The following KLRG1 variants were observed in gnomAD, a reference collection of about 807,000 sequenced individuals.
KLRG1 encodes the protein killer cell lectin-like receptor subfamily G member 1.
KLRG1 carries 16 observed loss-of-function variants against 21.8 expected under a neutral mutation model. The ratio of observed to expected loss-of-function variants is 0.73; its 90% CI spans 0.50 to 1.11. KLRG1 has a LOEUF of 1.11. KLRG1 is among the 50% of genes most tolerant of loss of function. KLRG1 has a pLI of 0.00. For missense variants in KLRG1, 173 were observed against 218.3 expected (o/e 0.79, Z 1.31); for synonymous variants, 69 against 75.9 (o/e 0.91, Z 0.47).
intron 1 of KLRG1, among the ~76,000 whole-genome samples, chr12:8,984,208 T>G (rs534339425): frequency 2.8e-3 from 420 of 152,210 alleles, no homozygotes; most frequent in Non-Finnish European, 5.1e-3. Flanking sequence ...CAGCTATTAT[T>G]ATTATTATTA....
chr12:8,967,801 G>A (rs11836936), intron 1 of KLRG1, among the ~76,000 whole-genome samples: 2,984 of 152,210 alleles, frequency 0.02, 98 homozygotes, highest in African/African-American at 0.067. Context: ...TATGAAAACG[G>A]CCAGGGAAAG....
the KLRG1 span, among the ~76,000 whole-genome samples, chr12:9,139,189 C>T: frequency 6.6e-6 from 1 of 152,030 alleles, no homozygotes; most frequent in Non-Finnish European, 1.5e-5. Context: ...CACTCAATGA[C>T]TTTTCAAGAG....
the KLRG1 span, chr12:9,197,024 T>C: frequency 6.2e-7 from 1 of 1,610,402 alleles, no homozygotes; most frequent in Admixed American, 1.7e-5. Context: ...GTTGACTGAA[T>C]TCCTCACAGA....
the KLRG1 span, among the ~76,000 whole-genome samples, chr12:9,108,915 G>A: frequency 3.9e-5 from 6 of 152,312 alleles, no homozygotes; most frequent in African/African-American, 1.4e-4. Flanking sequence ...TCAGGTAAAT[G>A]ATCTGTTGAT....
chr12:9,142,638 T>G, the KLRG1 span, among the ~76,000 whole-genome samples: 2 of 152,206 alleles, frequency 1.3e-5, no homozygotes, highest in Admixed American at 1.3e-4. Context: ...AACACATATA[T>G]AGCCACACAG....
the KLRG1 span, among the ~76,000 whole-genome samples, chr12:9,160,810 G>T: frequency 1.3e-5 from 2 of 152,050 alleles, no homozygotes; most frequent in Non-Finnish European, 2.9e-5. Context: ...AGCTACTCGG[G>T]AGGCTGAGGC....
intron 1 of KLRG1, among the ~76,000 whole-genome samples, chr12:8,967,224 T>C (rs893508659): frequency 4.0e-5 from 6 of 148,856 alleles, no homozygotes; most frequent in African/African-American, 1.2e-4. Flanking sequence ...TTAGGAGATA[T>C]ACCTAATGCT....
chr12:9,203,337 CTTTTTTTTTTTTT>C, the KLRG1 span, among the ~76,000 whole-genome samples: 2 of 114,592 alleles, frequency 1.7e-5, no homozygotes, highest in South Asian at 2.9e-4. Flanking sequence ...AACTACATTC[CTTTTTTTTTTTTT>C]TTTTTTTTTG....
the KLRG1 span, chr12:9,165,034 C>A: frequency 7.3e-7 from 1 of 1,371,148 alleles, no homozygotes; most frequent in Admixed American, 1.8e-5. Context: ...TGCTAACACA[C>A]AATCCCTTGA....
At chr12:9,004,480 T>A (rs1033524373) in intron 3 of KLRG1, among the ~76,000 whole-genome samples, 3 of 152,174 alleles carry the variant, frequency 2.0e-5, no homozygotes, top group African/African-American at 7.2e-5. Flanking sequence ...CATAATTTTT[T>A]AAAAAAGAGA....
At chr12:9,082,697 T>C in the KLRG1 span, among the ~76,000 whole-genome samples, 1 of 152,182 alleles carries the variant, frequency 6.6e-6, no homozygotes, top group Non-Finnish European at 1.5e-5. Context: ...CTCAAAAAAT[T>C]GACCTCATAG....
At chr12:9,181,999 C>T in the KLRG1 span, 9,502 of 1,613,566 alleles carry the variant, frequency 5.9e-3, 515 homozygotes, top group African/African-American at 0.11. Context: ...AGTTTTCAAT[C>T]TCAAATTTTT....
chr12:9,022,809 T>TG, the KLRG1 span, among the ~76,000 whole-genome samples: 1 of 152,268 alleles, frequency 6.6e-6, no homozygotes, highest in Admixed American at 6.5e-5. Flanking sequence ...TGGCCAATGA[T>TG]GTAATCAATT....
the KLRG1 span, among the ~76,000 whole-genome samples, chr12:9,190,849 C>T: frequency 1.3e-5 from 2 of 152,010 alleles, no homozygotes; most frequent in African/African-American, 4.8e-5. Flanking sequence ...TGAGGAAGCT[C>T]AACTTGGACA....
chr12:9,148,068 T>C, the KLRG1 span, among the ~76,000 whole-genome samples: 57 of 152,356 alleles, frequency 3.7e-4, 2 homozygotes, highest in African/African-American at 1.3e-3. Flanking sequence ...CTGCTATACC[T>C]TTGTTTATTT....
chr12:9,063,397 T>A, the KLRG1 span, among the ~76,000 whole-genome samples: 2 of 152,180 alleles, frequency 1.3e-5, no homozygotes, highest in Non-Finnish European at 2.9e-5. Flanking sequence ...AATAGCAGTG[T>A]ATCATATTTC....
At chr12:9,195,027 A>G in the KLRG1 span, among the ~76,000 whole-genome samples, 1 of 152,164 alleles carries the variant, frequency 6.6e-6, no homozygotes, top group South Asian at 2.1e-4. Context: ...AATACATTAG[A>G]GGAGTAGGGC....
At chr12:9,090,171 T>C in the KLRG1 span, 1 of 1,367,546 alleles carries the variant, frequency 7.3e-7, no homozygotes, top group Non-Finnish European at 1.0e-6. Context: ...GAGAGGTGAA[T>C]GATACTGAGA....
At chr12:9,165,376 G>T in the KLRG1 span, 1 of 1,613,648 alleles carries the variant, frequency 6.2e-7, no homozygotes, top group East Asian at 2.2e-5. Flanking sequence ...AGCTGGGGAG[G>T]AGGGCAAGTG....
Sources: gnomAD v4.1 joint callset for allele counts (sites outside exome capture counted in the v4.1 genomes callset) on GRCh38, gnomAD v4.1.1 for gene constraint, MANE v1.5 for transcripts, NCBI Gene and HGNC (gene_info 2026-07-23, HGNC 2026-07-21) for gene names.